The following ITPR2 variants were observed in gnomAD, a reference collection of about 807,000 sequenced individuals.
ITPR2 encodes the protein inositol 1,4,5-trisphosphate receptor type 2.
A neutral mutation model predicts 317.1 loss-of-function variants in ITPR2; 207 were observed. That is an observed-to-expected ratio of 0.65 (90% confidence interval 0.58 to 0.73). The LOEUF (loss-of-function observed/expected upper bound fraction) is 0.73. ITPR2 is among the 30% of genes least tolerant of loss of function. The pLI is 0.00. For missense variants in ITPR2, 2,613 were observed against 3,284.0 expected, an observed-to-expected ratio of 0.80 and a Z score of 4.99; for synonymous variants, 1,156 against 1,149.1, an observed-to-expected ratio of 1.01 and a Z score of -0.12.
rs786204832 is a variant in ITPR2 at position 26,400,166 on chromosome 12, C to T, written c.7492G>A (p.Gly2498Ser). The change falls in exon 53 of 57, where the codon GGT becomes AGT. Residue 2498 changes from glycine to serine, a missense_variant. Coordinates refer to ENST00000381340, the MANE Select transcript of ITPR2 (RefSeq NM_002223.4). The stretch of plus-strand genomic sequence containing the variant: ...CTTCTTAGCACATCCCCCACACCAC[C>T]GCCATTCCTGAGGCCCTGGTTCAGC... Reference protein sequence around the residue: ...TVLNQGLRNGGGVGDVLRRPS... With the variant: ...TVLNQGLRNGSGVGDVLRRPS... 4.3e-6 allele frequency: 7 copies of T among 1,611,718 alleles called. No individual in the cohort carries two copies. Among genetic ancestry groups the T allele is most frequent in the South Asian group, 1.1e-5 (1 of 90,772 alleles).
intron 8 of ITPR2, among the ~76,000 whole-genome samples, chr12:26,712,016 T>A (rs1440736780): frequency 6.6e-6 from 1 of 152,182 alleles, no homozygotes; most frequent in East Asian, 1.9e-4. Context: ...TGGGAATGAA[T>A]GCAGTAGAAG....
At chr12:26,781,987 C>T in intron 2 of ITPR2, among the ~76,000 whole-genome samples, 1 of 106,766 alleles carries the variant, frequency 9.4e-6, no homozygotes, top group African/African-American at 4.0e-5. Context: ...TTAATAAACT[C>T]CCCTGTATAT....
In ITPR2 at chr12:26,390,867, C is replaced by G. The variant is rs149386192; in HGVS notation, c.7697-3273G>C. Among the ~76,000 whole-genome samples the G allele has an allele frequency of 5.9e-5, 9 of 152,256 alleles. No homozygotes were observed. In the East Asian group the frequency reaches 1.7e-3, roughly 29 times the overall value. ...TGTTAAAGTAGATTTTCCCAGAATTCAATTCAAACATCTACCAGTTGCAAG... is the reference window on the plus strand; with the variant it reads ...TGTTAAAGTAGATTTTCCCAGAATTGAATTCAAACATCTACCAGTTGCAAG... On this transcript the variant is annotated intron_variant, in intron 54 of 56. Transcript: ENST00000381340.
At chr12:26,774,998 C>G (rs1292990515) in intron 2 of ITPR2, among the ~76,000 whole-genome samples, 4 of 152,168 alleles carry the variant, frequency 2.6e-5, no homozygotes, top group African/African-American at 9.7e-5. Flanking sequence ...TCAGTTGCTT[C>G]CACCAGGATT....
At chr12:26,502,578 G>A (rs546440007) in intron 37 of ITPR2, among the ~76,000 whole-genome samples, 3 of 152,276 alleles carry the variant, frequency 2.0e-5, no homozygotes, top group Admixed American at 6.5e-5. Flanking sequence ...CAGTGCAGGC[G>A]TGTGCATGCT....
At chr12:26,592,276 G>A (rs1172185101) in intron 32 of ITPR2, among the ~76,000 whole-genome samples, 1 of 152,232 alleles carries the variant, frequency 6.6e-6, no homozygotes, top group Non-Finnish European at 1.5e-5. Context: ...GGGCAGAGGG[G>A]AAGTGGGGAT....
intron 52 of ITPR2, among the ~76,000 whole-genome samples, chr12:26,410,385 T>A (rs1940505844): frequency 6.6e-6 from 1 of 152,130 alleles, no homozygotes; most frequent in Non-Finnish European, 1.5e-5. Flanking sequence ...CATAAAATAT[T>A]TAGTCAGTAG....
intron 19 of ITPR2, 45 bp from the exon 20 acceptor site, chr12:26,655,897 T>C (rs765920874): frequency 6.4e-7 from 1 of 1,553,472 alleles, no homozygotes; most frequent in Non-Finnish European, 8.8e-7. Flanking sequence ...CTGATTGCAA[T>C]CATTTAAAAA....
chr12:26,781,011 T>C (rs1270177293), intron 2 of ITPR2, among the ~76,000 whole-genome samples: 1 of 152,218 alleles, frequency 6.6e-6, no homozygotes, highest in Admixed American at 6.5e-5. Context: ...AATCAGTCTA[T>C]GACTCCACAA....
chr12:26,666,226 A>G (rs990867386), intron 13 of ITPR2, among the ~76,000 whole-genome samples, 175 bp from the exon 14 acceptor site: 1 of 152,070 alleles, frequency 6.6e-6, no homozygotes, highest in Non-Finnish European at 1.5e-5. Flanking sequence ...TTATTAAATA[A>G]TAAGAACTGA....
At chr12:26,698,962 T>A (rs945594594) in intron 9 of ITPR2, among the ~76,000 whole-genome samples, 23 of 151,662 alleles carry the variant, frequency 1.5e-4, no homozygotes, top group African/African-American at 4.1e-4. Flanking sequence ...ATAGCTTTTT[T>A]AAAAATTTAT....
At chr12:26,671,040 G>A (rs1174094500) in intron 13 of ITPR2, among the ~76,000 whole-genome samples, 1 of 152,030 alleles carries the variant, frequency 6.6e-6, no homozygotes, top group Non-Finnish European at 1.5e-5. Context: ...CAAGAAATAT[G>A]GGACTATGTG....
intron 45 of ITPR2, among the ~76,000 whole-genome samples, chr12:26,473,562 C>G (rs989059300): frequency 6.6e-6 from 1 of 152,202 alleles, no homozygotes; most frequent in Non-Finnish European, 1.5e-5. Context: ...TATTACTGCT[C>G]ATTTTGACCT....
intron 43 of ITPR2, among the ~76,000 whole-genome samples, chr12:26,477,819 A>G (rs2136826310): frequency 6.6e-6 from 1 of 152,218 alleles, no homozygotes; most frequent in Non-Finnish European, 1.5e-5. Context: ...ACATTTTGAA[A>G]GATGTTACTT....
At chr12:26,697,383 T>C (rs576105367) in intron 9 of ITPR2, among the ~76,000 whole-genome samples, 1 of 152,336 alleles carries the variant, frequency 6.6e-6, no homozygotes, top group East Asian at 1.9e-4. Context: ...TCAGAGTCTT[T>C]CTCAACATTT....
At chr12:26,399,171 T>A in intron 53 of ITPR2, 130 bp from the exon 54 acceptor site, 1 of 620,552 alleles carries the variant, frequency 1.6e-6, no homozygotes, top group Non-Finnish European at 2.5e-6. Flanking sequence ...AAAATAAGGC[T>A]CACTTTCCAT....
At chr12:26,466,646 T>A (rs931227971) in intron 45 of ITPR2, among the ~76,000 whole-genome samples, 9 of 152,358 alleles carry the variant, frequency 5.9e-5, no homozygotes, top group African/African-American at 2.2e-4. Flanking sequence ...TTTCTGGAGT[T>A]CATAAGTCTC....
At chr12:26,520,138 A>C (rs922581015) in intron 37 of ITPR2, among the ~76,000 whole-genome samples, 2 of 152,230 alleles carry the variant, frequency 1.3e-5, no homozygotes, top group African/African-American at 4.8e-5. Context: ...TAATTGAGAT[A>C]GTTTTCTTAA....
At chr12:26,500,732 C>T (rs184794230) in intron 37 of ITPR2, among the ~76,000 whole-genome samples, 2 of 152,152 alleles carry the variant, frequency 1.3e-5, no homozygotes, top group East Asian at 3.9e-4. Context: ...ACACCGAGTC[C>T]AATGCATCAA....
Sources: allele counts gnomAD v4.1 joint callset (sites outside exome capture counted in the v4.1 genomes callset), GRCh38; gene constraint gnomAD v4.1.1; transcripts MANE v1.5; gene names NCBI Gene and HGNC (gene_info 2026-07-23, HGNC 2026-07-21).